Variants in MAPRE2 observed in about 807,000 individuals in gnomAD.
The protein encoded by MAPRE2 is microtubule-associated protein RP/EB family member 2.
A neutral mutation model predicts 43.2 loss-of-function variants in MAPRE2; 13 were observed. The ratio of observed to expected loss-of-function variants is 0.30; its 90% confidence interval spans 0.20 to 0.48. The LOEUF (loss-of-function observed/expected upper bound fraction) is 0.48, where lower values mean the gene tolerates loss of function less well. MAPRE2 is among the 20% of genes least tolerant of loss of function. The pLI, the probability that MAPRE2 is intolerant of heterozygous loss-of-function variation, is 0.99. For missense variants in MAPRE2, 161 were observed against 400.2 expected, an observed-to-expected ratio of 0.40 and a Z score of 5.10; for synonymous variants, 135 against 148.8, an observed-to-expected ratio of 0.91 and a Z score of 0.68.
At chr18:35,106,553 T>G (rs897740852) in intron 4 of MAPRE2, among the ~76,000 whole-genome samples, 1 of 152,174 alleles carries the variant, frequency 6.6e-6, no homozygotes, top group African/African-American at 2.4e-5. Context: ...CACCAGAGAT[T>G]GCTTATGTAT....
At chr18:35,117,969 CAG>C (rs1909486920) in intron 4 of MAPRE2, among the ~76,000 whole-genome samples, 1 of 151,890 alleles carries the variant, frequency 6.6e-6, no homozygotes, top group Non-Finnish European at 1.5e-5. Context: ...TCTCTGAAAC[CAG>C]AGTGACTCAA....
At chr18:35,033,277 A>G (rs2097048701) in intron 2 of MAPRE2, among the ~76,000 whole-genome samples, 1 of 152,182 alleles carries the variant, frequency 6.6e-6, no homozygotes, top group Non-Finnish European at 1.5e-5. Context: ...GATTATCTCA[A>G]CAGATGCAGA....
In MAPRE2 at chr18:35,143,393, T is replaced by A. The variant is rs1910755480; in HGVS notation, c.*3024T>A. ...TATTGTCGCATGGTAGAATAGTTTTTTGTCTCTGAATATGTGAATAACTTG... is the reference window on the plus strand; with the variant it reads ...TATTGTCGCATGGTAGAATAGTTTTATGTCTCTGAATATGTGAATAACTTG... On this transcript the variant is annotated 3_prime_UTR_variant, in exon 7 of 7. Coordinates refer to ENST00000300249, the MANE Select transcript of MAPRE2 (RefSeq NM_014268.4). 1 of 152,170 alleles carries A rather than the reference T, an allele frequency of 6.6e-6. No individual in the cohort carries two copies. Among genetic ancestry groups the A allele is most frequent in the South Asian group, 2.1e-4 (1 of 4,824 alleles). The allele number at this position is 152,170 out of a possible 1,614,324, so 9.4% of individuals were successfully genotyped here.
intron 1 of MAPRE2, among the ~76,000 whole-genome samples, chr18:35,062,605 G>A (rs190137718): frequency 1.3e-5 from 2 of 152,304 alleles, no homozygotes; most frequent in Admixed American, 1.3e-4. Flanking sequence ...TGGACCGAGC[G>A]AAAGTCCAGT....
chr18:35,021,112 G>A (rs995543459), intron 2 of MAPRE2, among the ~76,000 whole-genome samples: 1 of 152,126 alleles, frequency 6.6e-6, no homozygotes, highest in Admixed American at 6.6e-5. Context: ...GAGAGAACCT[G>A]GTACTTTAGT....
chr18:35,120,106 G>A (rs938230974), intron 4 of MAPRE2, among the ~76,000 whole-genome samples: 1 of 152,178 alleles, frequency 6.6e-6, no homozygotes, highest in African/African-American at 2.4e-5. Flanking sequence ...GGAAGTAGTG[G>A]AGCTGGGACC....
At chr18:34,980,522 G>C (rs536829263) in intron 1 of MAPRE2, among the ~76,000 whole-genome samples, 1 of 152,080 alleles carries the variant, frequency 6.6e-6, no homozygotes, top group African/African-American at 2.4e-5. Context: ...CTGCTTGTTC[G>C]TACTGAAGAG....
intron 1 of MAPRE2, among the ~76,000 whole-genome samples, chr18:34,981,875 T>A (rs1383814958): frequency 1.3e-5 from 1 of 77,592 alleles, no homozygotes; most frequent in African/African-American, 4.5e-5. Flanking sequence ...TTTTTTTTTT[T>A]TATTTTTATT....
intron 1 of MAPRE2, among the ~76,000 whole-genome samples, chr18:35,054,018 T>C (rs1272785004): frequency 3.3e-5 from 5 of 152,152 alleles, no homozygotes. Flanking sequence ...CTTCCAAAAT[T>C]TTGCCAAGAA....
At chr18:34,983,144 C>CT (rs1393292476) in intron 1 of MAPRE2, among the ~76,000 whole-genome samples, 10 of 152,064 alleles carry the variant, frequency 6.6e-5, no homozygotes, top group Non-Finnish European at 1.3e-4. Context: ...AAGCCTTAGT[C>CT]TTTTTTGTTT....
chr18:35,080,159 A>G (rs1227549916), intron 2 of MAPRE2, among the ~76,000 whole-genome samples: 2 of 152,264 alleles, frequency 1.3e-5, no homozygotes, highest in African/African-American at 2.4e-5. Context: ...TAATATGGAT[A>G]GGATTCAGAC....
intron 4 of MAPRE2, among the ~76,000 whole-genome samples, chr18:35,104,369 C>T (rs184908969): frequency 5.1e-4 from 78 of 152,128 alleles, no homozygotes; most frequent in African/African-American, 1.8e-3. Context: ...AAAATAAAAA[C>T]ATTTGGTTTG....
chr18:35,107,488 C>A (rs950500161), intron 4 of MAPRE2, among the ~76,000 whole-genome samples: 4 of 138,832 alleles, frequency 2.9e-5, no homozygotes, highest in African/African-American at 9.9e-5. Context: ...CACCTCTCAC[C>A]TTCTTTTGGG....
intron 1 of MAPRE2, among the ~76,000 whole-genome samples, chr18:34,980,247 A>G (rs1197300145): frequency 6.7e-6 from 1 of 148,862 alleles, no homozygotes; most frequent in Non-Finnish European, 1.5e-5. Flanking sequence ...CCGGTCTTGA[A>G]CTCCTGACCT....
chr18:35,048,651 G>A (rs2094534981), intron 1 of MAPRE2, among the ~76,000 whole-genome samples: 1 of 148,540 alleles, frequency 6.7e-6, no homozygotes, highest in African/African-American at 2.5e-5. Flanking sequence ...ATGTGTATAT[G>A]TGTTTATAGT....
chr18:35,077,512 A>T (rs1907427143), intron 2 of MAPRE2, among the ~76,000 whole-genome samples: 1 of 152,144 alleles, frequency 6.6e-6, no homozygotes, highest in African/African-American at 2.4e-5. Flanking sequence ...AGAGATGAAA[A>T]CTGTTGTACC....
intron 2 of MAPRE2, among the ~76,000 whole-genome samples, chr18:35,035,106 C>G (rs1217773445): frequency 6.6e-6 from 1 of 151,880 alleles, no homozygotes; most frequent in Non-Finnish European, 1.5e-5. Flanking sequence ...AGACTTGGAA[C>G]CAACCCAAAT....
chr18:35,091,929 T>C (rs1438029654), intron 2 of MAPRE2, among the ~76,000 whole-genome samples: 1 of 152,214 alleles, frequency 6.6e-6, no homozygotes, highest in African/African-American at 2.4e-5. Context: ...GCTGTACATA[T>C]TGGCTTCTGC....
chr18:34,999,356 T>G (rs2097028196), intron 1 of MAPRE2, among the ~76,000 whole-genome samples: 1 of 152,254 alleles, frequency 6.6e-6, no homozygotes, highest in Non-Finnish European at 1.5e-5. Context: ...GAAAGAATTT[T>G]ACTTTTGTAC....
Sources: gnomAD v4.1 joint callset for allele counts (sites outside exome capture counted in the v4.1 genomes callset) on GRCh38, gnomAD v4.1.1 for gene constraint, MANE v1.5 for transcripts, NCBI Gene and HGNC (gene_info 2026-07-23, HGNC 2026-07-21) for gene names.